The following NPHP4 variants were observed in gnomAD, a reference collection of about 807,000 sequenced individuals.
NPHP4 encodes the protein nephrocystin-4.
NPHP4 carries 151 observed loss-of-function variants against 155.8 expected under a neutral mutation model. The ratio of observed to expected loss-of-function variants is 0.97; its 90% CI spans 0.85 to 1.11. NPHP4 has a LOEUF of 1.11. Ranked by LOEUF, NPHP4 falls within the 50% of genes least tolerant of loss-of-function variation. The pLI, the probability that NPHP4 is intolerant of heterozygous loss-of-function variation, is 0.00. For synonymous variants in NPHP4, 845 were observed against 816.8 expected (o/e 1.03, Z -0.59); for missense variants, 1,956 against 1,925.7 (o/e 1.02, Z -0.29).
At chr1:5,953,101 CTTGTTTGT>C (rs56332295) in intron 6 of NPHP4, among the ~76,000 whole-genome samples, 3 of 151,830 alleles carry the variant, frequency 2.0e-5, no homozygotes, top group Non-Finnish European at 2.9e-5. Flanking sequence ...TGTTTTTCTG[CTTGTTTGT>C]TTGTTTGTTT....
chr1:5,916,211 A>T (rs899892105), intron 11 of NPHP4, among the ~76,000 whole-genome samples: 1 of 152,206 alleles, frequency 6.6e-6, no homozygotes, highest in Admixed American at 6.5e-5. Context: ...GTAAGTGATG[A>T]ATGAAACTTT....
intron 16 of NPHP4, among the ~76,000 whole-genome samples, chr1:5,893,372 T>A (rs1827501): frequency 0.017 from 2,595 of 152,158 alleles, 71 homozygotes; most frequent in African/African-American, 0.058. Flanking sequence ...CAGGGTAAAG[T>A]GTGTGAGTCA....
intron 16 of NPHP4, 143 bp downstream of exon 16, chr1:5,904,474 G>A (rs1445796398): frequency 7.1e-6 from 4 of 562,434 alleles, no homozygotes; most frequent in Non-Finnish European, 8.5e-6. Context: ...GGGGCTAAGT[G>A]TTTGCTGCAC....
At chr1:5,898,771 A>G (rs890565027) in intron 16 of NPHP4, among the ~76,000 whole-genome samples, 2 of 152,208 alleles carry the variant, frequency 1.3e-5, no homozygotes, top group African/African-American at 4.8e-5. Flanking sequence ...CCAGTGCTTT[A>G]AAATCTTACA....
chr1:5,899,949 A>C (rs747208230), intron 16 of NPHP4, among the ~76,000 whole-genome samples: 29 of 152,244 alleles, frequency 1.9e-4, no homozygotes, highest in Non-Finnish European at 3.7e-4. Context: ...ACAGCAAATA[A>C]GCACATGAGA....
intron 11 of NPHP4, among the ~76,000 whole-genome samples, chr1:5,919,361 G>A (rs1055507154): frequency 6.6e-6 from 1 of 152,176 alleles, no homozygotes; most frequent in African/African-American, 2.4e-5. Context: ...AAGGTACAGG[G>A]TGTTCCCACA....
intron 18 of NPHP4, chr1:5,880,883 C>T (rs1433591728): frequency 6.5e-6 from 1 of 153,020 alleles, no homozygotes; most frequent in Non-Finnish European, 1.5e-5. Context: ...TCGGTGTGGC[C>T]TTTACTTCCC....
At chr1:5,869,010 TACACAC>T (rs138080947) in intron 23 of NPHP4, among the ~76,000 whole-genome samples, 2 of 84,832 alleles carry the variant, frequency 2.4e-5, no homozygotes, top group African/African-American at 4.6e-5. Context: ...CACGCACCCA[TACACAC>T]ACACATGCAC....
intron 3 of NPHP4, among the ~76,000 whole-genome samples, chr1:5,970,466 G>A (rs1233207253): frequency 2.6e-5 from 4 of 152,112 alleles, no homozygotes; most frequent in East Asian, 3.9e-4. Flanking sequence ...TCACGCCACC[G>A]CACTCCAGCC....
At chr1:5,923,705 T>C (rs1022123327) in intron 11 of NPHP4, among the ~76,000 whole-genome samples, 3 of 152,226 alleles carry the variant, frequency 2.0e-5, no homozygotes, top group Non-Finnish European at 4.4e-5. Flanking sequence ...CAGCCCTAGA[T>C]GAAATGCTGA....
chr1:5,929,546 T>C (rs566863134), intron 10 of NPHP4, among the ~76,000 whole-genome samples: 61 of 152,336 alleles, frequency 4.0e-4, no homozygotes, highest in African/African-American at 1.3e-3. Context: ...TCAGTATCAA[T>C]TGCCAGGATC....
chr1:5,960,190 T>C (rs1008514048), intron 6 of NPHP4, among the ~76,000 whole-genome samples: 10 of 152,132 alleles, frequency 6.6e-5, no homozygotes, highest in African/African-American at 2.2e-4. Context: ...GAAGTGGGCG[T>C]GGAGAGCACT....
chr1:5,935,125 T>C (rs1354510306), intron 9 of NPHP4, among the ~76,000 whole-genome samples: 4 of 152,228 alleles, frequency 2.6e-5, no homozygotes, highest in Non-Finnish European at 5.9e-5. Context: ...TTCTTGTTTC[T>C]TCCAAGTTAG....
chr1:5,909,046 C>T, intron 12 of NPHP4, 106 bp downstream of exon 12: 3 of 969,714 alleles, frequency 3.1e-6, no homozygotes, highest in South Asian at 2.8e-5. Flanking sequence ...TCCCCAGCCA[C>T]GCAGAAGCAC....
chr1:5,952,832 G>T lies in NPHP4; in HGVS notation c.678C>A (p.Asp226Glu). The change falls in exon 7 of 30, where the codon GAC (aspartate) becomes GAA (glutamate). Residue 226 changes from aspartate (D) to glutamate (E), a missense_variant. Transcript: ENST00000378156. ...TCTGGAGGCGAGGCTTTCGGAGAGC[G>T]TCGCCTGAAACAGTGAGGGTGCGAA... ...GLLPAHGESGDALRKPRLQKP... is the reference protein window; with the variant it reads ...GLLPAHGESGEALRKPRLQKP... The T allele has an allele frequency of 6.3e-7, 1 of 1,599,274 alleles. No homozygotes were observed. Among genetic ancestry groups the T allele is most frequent in the Non-Finnish European group, 8.5e-7 (1 of 1,173,092 alleles).
At position 5,978,536 on chromosome 1, in the gene NPHP4, T is replaced by C. The variant is rs1014980645; in HGVS notation, c.136-123A>G. 5.0e-5 allele frequency: 44 copies of C among 878,262 alleles called. No homozygotes were observed. In the African/African-American group the frequency reaches 6.2e-4, roughly 12 times the overall value. 54.4% of individuals were successfully genotyped at this position (878,262 alleles called of 1,614,324 possible). ...AGATATCAGCACGCTGGTTTCCTTA[T>C]TGGGAGGCTACCTCTCTCCCACAGC... On this transcript the variant is annotated intron_variant, in intron 2 of 29. Coordinates refer to ENST00000378156, the MANE Select transcript of NPHP4 (RefSeq NM_015102.5).
Position 5,907,162 on chromosome 1 carries a change from G to C in NPHP4, c.1564C>G (p.Pro522Ala). ...RSPTQHCLARPTSQLPHGSQA... is the reference protein window; with the variant it reads ...RSPTQHCLARATSQLPHGSQA... ...GAGCCATGGGGTAGCTGTGAAGTAG[G>C]CCTGGCCAAGCAGTGCTGAGTCGGG... The change falls in exon 13 of 30, where the codon CCT becomes GCT. Residue 522 changes from proline to alanine, a missense_variant. Transcript: ENST00000378156. The C allele has an allele frequency of 1.3e-6, 2 of 1,588,588 alleles. No homozygotes were observed. Among genetic ancestry groups the C allele is most frequent in the Non-Finnish European group, 1.7e-6 (2 of 1,166,906 alleles).
At chr1:5,878,943 C>G (rs1158295349) in intron 19 of NPHP4, among the ~76,000 whole-genome samples, 1 of 152,248 alleles carries the variant, frequency 6.6e-6, no homozygotes, top group Non-Finnish European at 1.5e-5. Context: ...CCCTTAGCCA[C>G]GGCACTGGCC....
intron 23 of NPHP4, 145 bp from the exon 24 acceptor site, chr1:5,868,041 C>A: frequency 1.1e-6 from 1 of 884,994 alleles, no homozygotes; most frequent in South Asian, 1.4e-5. Context: ...CGGGCATCGT[C>A]AAAGGCAGGG....
Sources: gnomAD v4.1 joint callset for allele counts (sites outside exome capture counted in the v4.1 genomes callset) on GRCh38, gnomAD v4.1.1 for gene constraint, MANE v1.5 for transcripts, NCBI Gene and HGNC (gene_info 2026-07-23, HGNC 2026-07-21) for gene names.